TMEFF2: variants seen among roughly 807,000 people sequenced by gnomAD.
TMEFF2 encodes the protein tomoregulin-2.
In TMEFF2, 28 loss-of-function variants were observed where a neutral mutation model predicts 53.8. That is an observed-to-expected ratio of 0.52 (90% CI 0.39 to 0.71). TMEFF2 has a LOEUF of 0.71. Among genes scored for constraint, TMEFF2 ranks in the 30% least tolerant of loss-of-function variants. TMEFF2 has a pLI of 0.00. For synonymous variants in TMEFF2, 162 were observed against 166.3 expected (o/e 0.97, Z 0.20); for missense variants, 353 against 455.2 (o/e 0.78, Z 2.04).
intron 4 of TMEFF2, among the ~76,000 whole-genome samples, chr2:192,116,424 TTAA>T (rs1475598558): frequency 6.6e-6 from 1 of 151,924 alleles, no homozygotes; most frequent in African/African-American, 2.4e-5. Flanking sequence ...GTGAGTATAC[TTAA>T]TAATAATGTA....
At position 191,959,384 on chromosome 2, in the gene TMEFF2, G is replaced by GC. The variant is rs373423629; in HGVS notation, c.746-3007dup. Among the ~76,000 whole-genome samples, 771 of 152,306 alleles carry GC rather than the reference G, an allele frequency of 5.1e-3. 8 individuals carry two copies. The highest frequency in any genetic ancestry group is 0.018 in the African/African-American group (743 of 41,560). On this transcript the variant is annotated intron_variant, in intron 7 of 9. Coordinates refer to ENST00000272771, the MANE Select transcript of TMEFF2 (RefSeq NM_016192.4). ...TGCAGCAGAGCTAATAGGGCTCCAT[G>GC]CCCATTGCTAGTCAACACTTCAGTC...
intron 5 of TMEFF2, among the ~76,000 whole-genome samples, chr2:192,000,187 T>C (rs1319949714): frequency 6.6e-6 from 1 of 152,128 alleles, no homozygotes; most frequent in Non-Finnish European, 1.5e-5. Context: ...TAAACTCATA[T>C]TTTAAATTTT....
intron 4 of TMEFF2, among the ~76,000 whole-genome samples, chr2:192,100,119 C>T (rs1689001683): frequency 6.6e-6 from 1 of 152,118 alleles, no homozygotes; most frequent in South Asian, 2.1e-4. Flanking sequence ...AGGAAACCAG[C>T]CTTACTGAAT....
intron 5 of TMEFF2, among the ~76,000 whole-genome samples, chr2:192,042,475 G>C (rs960622440): frequency 2.0e-5 from 3 of 152,174 alleles, no homozygotes; most frequent in African/African-American, 7.2e-5. Context: ...AGTGTGATAG[G>C]AAGTGAAATC....
At chr2:192,113,692 G>A (rs1175512155) in intron 4 of TMEFF2, among the ~76,000 whole-genome samples, 2 of 152,066 alleles carry the variant, frequency 1.3e-5, no homozygotes, top group Non-Finnish European at 1.5e-5. Flanking sequence ...TAAGCAATAA[G>A]CTTATATATG....
intron 4 of TMEFF2, among the ~76,000 whole-genome samples, chr2:192,139,341 C>T (rs769828190): frequency 2.0e-5 from 3 of 152,106 alleles, no homozygotes; most frequent in Admixed American, 6.5e-5. Context: ...TGGTGGTTTG[C>T]TTTTATTTCT....
intron 4 of TMEFF2, among the ~76,000 whole-genome samples, chr2:192,121,086 C>G (rs1028523370): frequency 3.3e-5 from 5 of 150,750 alleles, no homozygotes; most frequent in African/African-American, 9.7e-5. Flanking sequence ...TACTAAGTAT[C>G]AGAGAAGAGG....
At chr2:192,084,505 A>T (rs1688623014) in intron 4 of TMEFF2, among the ~76,000 whole-genome samples, 1 of 152,218 alleles carries the variant, frequency 6.6e-6, no homozygotes, top group South Asian at 2.1e-4. Context: ...GAACGGACCC[A>T]AAGTGGAAGG....
intron 4 of TMEFF2, among the ~76,000 whole-genome samples, chr2:192,071,695 C>T (rs1688296996): frequency 6.6e-6 from 1 of 151,872 alleles, no homozygotes; most frequent in Admixed American, 6.6e-5. Context: ...TTTAAATCAT[C>T]TCTGTGCTAC....
intron 5 of TMEFF2, 142 bp downstream of exon 5, chr2:192,057,537 C>T (rs1687940840): frequency 7.9e-6 from 6 of 754,946 alleles, no homozygotes; most frequent in Non-Finnish European, 1.3e-5. Flanking sequence ...AAATTCCTTG[C>T]CCTCATTTTT....
intron 4 of TMEFF2, among the ~76,000 whole-genome samples, chr2:192,127,194 TAA>T (rs1381279008): frequency 2.0e-5 from 3 of 152,186 alleles, no homozygotes; most frequent in Non-Finnish European, 4.4e-5. Context: ...TGACAATTTT[TAA>T]AAGATTCAAT....
chr2:192,023,684 G>T (rs1686908519), intron 5 of TMEFF2, among the ~76,000 whole-genome samples: 1 of 149,302 alleles, frequency 6.7e-6, no homozygotes, highest in African/African-American at 2.5e-5. Context: ...CTGTCTGTCT[G>T]TTTGTTTATC....
At chr2:192,033,549 C>G (rs1687198843) in intron 5 of TMEFF2, among the ~76,000 whole-genome samples, 2 of 131,626 alleles carry the variant, frequency 1.5e-5, no homozygotes, top group Non-Finnish European at 3.2e-5. Context: ...TTACACAAAA[C>G]CTGTGCTCTC....
intron 4 of TMEFF2, among the ~76,000 whole-genome samples, chr2:192,141,459 G>GA (rs397987092): frequency 0.033 from 3,504 of 107,332 alleles, 42 homozygotes; most frequent in Non-Finnish European, 0.042. Flanking sequence ...TCTCAAAAAA[G>GA]AAAAAAAAAA....
chr2:192,071,114 C>T (rs549144367), intron 4 of TMEFF2, among the ~76,000 whole-genome samples: 2 of 151,816 alleles, frequency 1.3e-5, no homozygotes, highest in South Asian at 4.1e-4. Context: ...TAAAAAGTGT[C>T]AAATGTGTCA....
chr2:191,971,780 T>C lies in TMEFF2; in HGVS notation c.746-15402A>G, dbSNP rs112755145. Among the ~76,000 whole-genome samples the C allele has an allele frequency of 7.6e-4, 116 of 152,280 alleles. 3 individuals carry two copies. The highest frequency in any genetic ancestry group is 2.6e-3 in the African/African-American group (110 of 41,552). ...TAGACAGTTTCTCTCTGGAAGAGCA[T>C]GCATATTAGAGAGTGAGATAGGCAA... is the stretch of plus-strand genomic sequence containing the variant. On this transcript the variant is annotated intron_variant, in intron 7 of 9. Transcript: ENST00000272771.
intron 4 of TMEFF2, among the ~76,000 whole-genome samples, chr2:192,140,032 C>T (rs1204072036): frequency 3.9e-5 from 6 of 152,144 alleles, no homozygotes; most frequent in African/African-American, 1.4e-4. Context: ...CTGGAAAAAA[C>T]TGACTGCTAT....
intron 4 of TMEFF2, among the ~76,000 whole-genome samples, chr2:192,122,467 T>G (rs950933082): frequency 5.9e-5 from 9 of 152,214 alleles, no homozygotes; most frequent in Non-Finnish European, 1.0e-4. Flanking sequence ...TTTTCTTTTC[T>G]TAAGAATGGG....
intron 4 of TMEFF2, among the ~76,000 whole-genome samples, chr2:192,140,783 T>A (rs1690118594): frequency 1.3e-5 from 2 of 152,124 alleles, no homozygotes; most frequent in Admixed American, 6.6e-5. Flanking sequence ...TAATTTCAAT[T>A]TTTCAACAAG....
Sources: gnomAD v4.1 joint callset for allele counts (sites outside exome capture counted in the v4.1 genomes callset) on GRCh38, gnomAD v4.1.1 for gene constraint, MANE v1.5 for transcripts, NCBI Gene and HGNC (gene_info 2026-07-23, HGNC 2026-07-21) for gene names.